CRYL1: variants seen among roughly 807,000 people sequenced by gnomAD.
CRYL1 encodes the protein lambda-crystallin homolog.
Under a neutral mutation model 36.6 loss-of-function variants are expected in CRYL1, and 29 were observed. The ratio of observed to expected loss-of-function variants is 0.79; its 90% CI spans 0.59 to 1.08. The LOEUF (loss-of-function observed/expected upper bound fraction) is 1.08, where lower values mean the gene tolerates loss of function less well. Among genes scored for constraint, CRYL1 ranks in the 50% least tolerant of loss-of-function variants. The probability of loss-of-function intolerance (pLI) is 0.00; values close to 1 mark genes in which losing one functional copy is unlikely to be tolerated. For missense variants in CRYL1, 411 were observed against 407.9 expected (o/e 1.01, Z -0.06); for synonymous variants, 152 against 151.5 (o/e 1.00, Z -0.02).
At chr13:20,522,367 A>C (rs1204025581) in intron 1 of CRYL1, among the ~76,000 whole-genome samples, 4 of 151,826 alleles carry the variant, frequency 2.6e-5, no homozygotes, top group Non-Finnish European at 5.9e-5. Context: ...AAAAAAGTAC[A>C]ATCACCCCAA....
intron 5 of CRYL1, among the ~76,000 whole-genome samples, chr13:20,422,756 G>A (rs2031847961): frequency 6.6e-6 from 1 of 152,214 alleles, no homozygotes; most frequent in Admixed American, 6.5e-5. Flanking sequence ...TTTGTCATGT[G>A]CATCCTAACC....
At chr13:20,474,500 A>T (rs920969280) in intron 3 of CRYL1, among the ~76,000 whole-genome samples, 1 of 152,180 alleles carries the variant, frequency 6.6e-6, no homozygotes, top group Non-Finnish European at 1.5e-5. Flanking sequence ...GTCAGCCCCT[A>T]TTTGACAAGA....
At chr13:20,470,930 A>AC (rs2033043071) in intron 3 of CRYL1, among the ~76,000 whole-genome samples, 1 of 151,088 alleles carries the variant, frequency 6.6e-6, no homozygotes, top group African/African-American at 2.4e-5. Flanking sequence ...AAAAAAACAA[A>AC]AAAAAAAACC....
chr13:20,510,699 G>A (rs748123193), intron 2 of CRYL1, among the ~76,000 whole-genome samples: 9 of 147,160 alleles, frequency 6.1e-5, no homozygotes, highest in East Asian at 2.0e-4. Context: ...TGCAATCTCC[G>A]CCACCCAGGC....
intron 5 of CRYL1, among the ~76,000 whole-genome samples, chr13:20,424,541 C>T (rs959280622): frequency 5.9e-5 from 9 of 152,314 alleles, no homozygotes; most frequent in Admixed American, 5.9e-4. Context: ...GACAATGGCC[C>T]AGGCCATGTG....
At chr13:20,476,081 A>G (rs927226876) in intron 3 of CRYL1, among the ~76,000 whole-genome samples, 8 of 152,178 alleles carry the variant, frequency 5.3e-5, no homozygotes, top group Non-Finnish European at 4.4e-5. Flanking sequence ...AGAGGAAACC[A>G]CAGTAGCAGC....
intron 3 of CRYL1, among the ~76,000 whole-genome samples, chr13:20,483,015 A>G (rs533020854): frequency 6.6e-6 from 1 of 152,134 alleles, no homozygotes; most frequent in African/African-American, 2.4e-5. Flanking sequence ...TAGAGAGTAG[A>G]ATGGTGGACA....
rs2032178079 is a variant in CRYL1 at position 20,435,051 on chromosome 13, G to C, written c.439-2755C>G. 6.6e-6 allele frequency among the ~76,000 whole-genome samples: 1 copy of C among 152,070 alleles called. No individual in the cohort carries two copies. The highest frequency in any genetic ancestry group is 6.5e-5 in the Admixed American group (1 of 15,276). On this transcript the variant is annotated intron_variant, in intron 4 of 7. Transcript: ENST00000298248. The surrounding 1 kb of genome is among the most constrained non-coding windows in gnomAD (Gnocchi z 4.0). ...CAGCAGAAAGCTAGGTTCAGGTGCC[G>C]CGGCTGGGGTGGAGCTGTGGAAAGT...
At position 20,421,603 on chromosome 13, in the gene CRYL1, C is replaced by G. The variant is rs560284792; in HGVS notation, c.634-8216G>C. Reference sequence around the variant, plus strand: ...CAGTGTCATTTGTCACCTCCCACCTCTCTTCTCTTTGCCTTTTCTCTTGGG... The same window carrying G: ...CAGTGTCATTTGTCACCTCCCACCTGTCTTCTCTTTGCCTTTTCTCTTGGG... On this transcript the variant is annotated intron_variant, in intron 5 of 7. Coordinates refer to ENST00000298248, the MANE Select transcript of CRYL1 (RefSeq NM_015974.3). 3.3e-4 allele frequency among the ~76,000 whole-genome samples: 50 copies of G among 152,258 alleles called. No homozygotes were observed. The South Asian group carries it at 0.01, about 31-fold the overall frequency.
chr13:20,424,209 A>G (rs541631556), intron 5 of CRYL1, among the ~76,000 whole-genome samples: 2 of 152,260 alleles, frequency 1.3e-5, no homozygotes, highest in East Asian at 3.9e-4. Context: ...GCCAACAAAA[A>G]CACAGGTCTC....
chr13:20,474,320 C>T (rs1212291136), intron 3 of CRYL1, among the ~76,000 whole-genome samples: 1 of 152,220 alleles, frequency 6.6e-6, no homozygotes, highest in Non-Finnish European at 1.5e-5. Flanking sequence ...GCAGCTCTCA[C>T]GCCCACCTGC....
chr13:20,433,630 T>C (rs1321534319), intron 4 of CRYL1: 1 of 154,064 alleles, frequency 6.5e-6, no homozygotes, highest in Non-Finnish European at 1.5e-5. Context: ...TGAATTCTTA[T>C]AGAAACGCTT....
At chr13:20,443,702 A>C (rs2032396611) in intron 3 of CRYL1, among the ~76,000 whole-genome samples, 1 of 152,220 alleles carries the variant, frequency 6.6e-6, no homozygotes. Flanking sequence ...CAACCCAGGC[A>C]TTTTAAATAG....
chr13:20,407,474 C>T (rs928725069), intron 6 of CRYL1, among the ~76,000 whole-genome samples: 3 of 152,152 alleles, frequency 2.0e-5, no homozygotes, highest in African/African-American at 7.2e-5. Context: ...TTTGGCTTCT[C>T]TACACCACGA....
intron 3 of CRYL1, among the ~76,000 whole-genome samples, chr13:20,484,258 G>A (rs2033349106): frequency 6.6e-6 from 1 of 152,170 alleles, no homozygotes; most frequent in Non-Finnish European, 1.5e-5. Context: ...CTGGCAAAAA[G>A]TCTGTGGACC....
Position 20,481,176 on chromosome 13 carries a change from T to G in CRYL1, c.276+8194A>C, listed in dbSNP as rs925182753. 6.6e-6 allele frequency among the ~76,000 whole-genome samples: 1 copy of G among 152,186 alleles called. No homozygotes were observed. The highest frequency in any genetic ancestry group is 1.5e-5 in the Non-Finnish European group (1 of 68,030). On this transcript the variant is annotated intron_variant, in intron 3 of 7. Transcript: ENST00000298248. The surrounding 1 kb of genome is among the most constrained non-coding windows in gnomAD (Gnocchi z 4.1). ...CAAGTGAAAACTGAAGGCTCGTGCT[T>G]CCAGATGATCTCGTGAGTGTGTGAG...
At chr13:20,423,360 G>A (rs910418668) in intron 5 of CRYL1, among the ~76,000 whole-genome samples, 1 of 152,200 alleles carries the variant, frequency 6.6e-6, no homozygotes, top group African/African-American at 2.4e-5. Context: ...TAGAAGAAAA[G>A]CCTTCAACTT....
chr13:20,467,559 T>C (rs1010619394), intron 3 of CRYL1, among the ~76,000 whole-genome samples: 21 of 152,182 alleles, frequency 1.4e-4, no homozygotes, highest in Non-Finnish European at 2.9e-4. Context: ...TGGTAGCTCA[T>C]GCCTGTCATC....
rs780860791 is a variant in CRYL1 at position 20,432,182 on chromosome 13, G to T, written c.553C>A (p.Arg185=). The T allele has an allele frequency of 9.3e-6, 15 of 1,614,058 alleles. No individual in the cohort carries two copies. Among genetic ancestry groups the T allele is most frequent in the South Asian group, 2.2e-5 (2 of 91,068 alleles). The part of the protein sequence containing the change: ...LMKKIGQCPM[R]VQKEVAGFVL... ...AAGCCGGCCACCTCCTTCTGGACTC[G>T]CATGGGGCACTGTCCAATCTTCTTC... is the stretch of plus-strand genomic sequence containing the variant. The change falls in exon 5 of 8, where the codon CGA becomes AGA. Residue 185 remains arginine, a synonymous_variant. Transcript: ENST00000298248.
Sources: gnomAD v4.1 joint callset for allele counts (sites outside exome capture counted in the v4.1 genomes callset) on GRCh38, gnomAD v4.1.1 for gene constraint, Gnocchi (gnomAD v3.1) non-coding constraint, MANE v1.5 for transcripts, NCBI Gene and HGNC (gene_info 2026-07-23, HGNC 2026-07-21) for gene names.